RPS6KC1: variants seen among roughly 807,000 people sequenced by gnomAD.
The protein encoded by RPS6KC1 is inactive ribosomal protein S6 kinase delta-1.
RPS6KC1 carries 54 observed loss-of-function variants against 103.8 expected under a neutral mutation model. That is an observed-to-expected ratio of 0.52 (90% CI 0.42 to 0.65). RPS6KC1 has a LOEUF of 0.65. Among genes scored for constraint, RPS6KC1 ranks in the 30% least tolerant of loss-of-function variants. The pLI is 0.00. For missense variants in RPS6KC1, 1,151 were observed against 1,253.8 expected (o/e 0.92, Z 1.24); for synonymous variants, 439 against 438.7 (o/e 1.00, Z -0.01).
At chr1:213,704,960 C>G in the RPS6KC1 span, among the ~76,000 whole-genome samples, 1 of 152,236 alleles carries the variant, frequency 6.6e-6, no homozygotes, top group African/African-American at 2.4e-5. Context: ...CTTTTAGATT[C>G]TCCTGAACAA....
chr1:213,605,855 C>T, the RPS6KC1 span, among the ~76,000 whole-genome samples: 1 of 152,130 alleles, frequency 6.6e-6, no homozygotes, highest in Non-Finnish European at 1.5e-5. Flanking sequence ...AAGGTTACGC[C>T]AGAGGACATG....
At chr1:213,525,204 C>T in the RPS6KC1 span, among the ~76,000 whole-genome samples, 1 of 152,034 alleles carries the variant, frequency 6.6e-6, no homozygotes, top group Non-Finnish European at 1.5e-5. Flanking sequence ...GATGGGAACA[C>T]TGTAGGGGGA....
chr1:213,725,739 T>G, the RPS6KC1 span, among the ~76,000 whole-genome samples: 1 of 152,232 alleles, frequency 6.6e-6, no homozygotes, highest in Non-Finnish European at 1.5e-5. Context: ...GTTGAACATA[T>G]TTCACATGAT....
At chr1:213,146,020 C>T (rs1196317290) in intron 6 of RPS6KC1, among the ~76,000 whole-genome samples, 10 of 126,122 alleles carry the variant, frequency 7.9e-5, no homozygotes, top group African/African-American at 2.7e-4. Flanking sequence ...TCCCACCTCC[C>T]TGTAACCCCC....
At chr1:213,734,644 G>A in the RPS6KC1 span, among the ~76,000 whole-genome samples, 3 of 152,216 alleles carry the variant, frequency 2.0e-5, no homozygotes, top group Non-Finnish European at 4.4e-5. Flanking sequence ...AAATATGCTT[G>A]TGTACCATAT....
At chr1:213,094,920 C>A (rs933835624) in intron 3 of RPS6KC1, among the ~76,000 whole-genome samples, 1 of 152,170 alleles carries the variant, frequency 6.6e-6, no homozygotes, top group African/African-American at 2.4e-5. Context: ...CTTTATAAAT[C>A]ATAACCTTAG....
the RPS6KC1 span, among the ~76,000 whole-genome samples, chr1:213,500,911 GA>G: frequency 6.6e-6 from 1 of 151,874 alleles, no homozygotes; most frequent in East Asian, 1.9e-4. Context: ...CTAGAAAACA[GA>G]AAAAGTCCTA....
At chr1:213,558,602 G>A in the RPS6KC1 span, among the ~76,000 whole-genome samples, 1 of 152,206 alleles carries the variant, frequency 6.6e-6, no homozygotes, top group Non-Finnish European at 1.5e-5. Context: ...TCTGGCCAAT[G>A]ACAGCAATGG....
At chr1:213,509,134 T>C in the RPS6KC1 span, among the ~76,000 whole-genome samples, 1 of 152,190 alleles carries the variant, frequency 6.6e-6, no homozygotes, top group Non-Finnish European at 1.5e-5. Context: ...AAGGTGTATT[T>C]AATAATTATG....
chr1:213,073,783 C>G (rs1382949747), intron 2 of RPS6KC1, among the ~76,000 whole-genome samples: 1 of 152,114 alleles, frequency 6.6e-6, no homozygotes, highest in East Asian at 1.9e-4. Context: ...TCAAGTGATT[C>G]TCCTGCCTCA....
At chr1:213,224,884 AATG>A (rs1436597377) in intron 8 of RPS6KC1, among the ~76,000 whole-genome samples, 1 of 152,198 alleles carries the variant, frequency 6.6e-6, no homozygotes, top group Non-Finnish European at 1.5e-5. Context: ...TTCATTAAGA[AATG>A]ACTTTAAATG....
At chr1:213,313,115 A>G in the RPS6KC1 span, among the ~76,000 whole-genome samples, 2 of 152,126 alleles carry the variant, frequency 1.3e-5, no homozygotes, top group African/African-American at 4.8e-5. Flanking sequence ...GTTCTTATTT[A>G]TCTGTTCTTT....
At chr1:213,422,899 C>T in the RPS6KC1 span, among the ~76,000 whole-genome samples, 1 of 152,234 alleles carries the variant, frequency 6.6e-6, no homozygotes, top group African/African-American at 2.4e-5. Context: ...GATGCTCTTG[C>T]TTAATTACTA....
the RPS6KC1 span, among the ~76,000 whole-genome samples, chr1:213,613,932 C>T: frequency 6.6e-6 from 1 of 152,218 alleles, no homozygotes; most frequent in Non-Finnish European, 1.5e-5. Flanking sequence ...TTCACAGCTG[C>T]AAGGAATAAA....
chr1:213,338,300 C>T, the RPS6KC1 span, among the ~76,000 whole-genome samples: 1 of 152,220 alleles, frequency 6.6e-6, no homozygotes, highest in Admixed American at 6.5e-5. Context: ...TGATTCCCTC[C>T]TGCTCTTGGC....
chr1:213,786,599 C>T, the RPS6KC1 span, among the ~76,000 whole-genome samples: 2 of 152,106 alleles, frequency 1.3e-5, no homozygotes, highest in South Asian at 2.1e-4. Context: ...ATCTGCTAAC[C>T]TTAAAGGTTA....
At chr1:213,055,753 A>G (rs1037298823) in intron 1 of RPS6KC1, among the ~76,000 whole-genome samples, 5 of 152,338 alleles carry the variant, frequency 3.3e-5, no homozygotes, top group African/African-American at 9.6e-5. Context: ...TTGGGATTAT[A>G]TTGAGAATGT....
intron 8 of RPS6KC1, among the ~76,000 whole-genome samples, chr1:213,211,959 G>C (rs1365273072): frequency 3.9e-5 from 6 of 152,010 alleles, no homozygotes; most frequent in African/African-American, 9.7e-5. Context: ...CAGCAAAATT[G>C]AGAGAGAGAC....
intron 8 of RPS6KC1, among the ~76,000 whole-genome samples, chr1:213,200,254 C>T (rs1176421834): frequency 6.6e-6 from 1 of 152,060 alleles, no homozygotes; most frequent in Non-Finnish European, 1.5e-5. Context: ...GCTACAGTAA[C>T]CAAAACAGCA....
Sources: allele counts gnomAD v4.1 joint callset (sites outside exome capture counted in the v4.1 genomes callset), GRCh38; gene constraint gnomAD v4.1.1; transcripts MANE v1.5; gene names NCBI Gene and HGNC (gene_info 2026-07-23, HGNC 2026-07-21).